Variants in NT5DC3 observed in about 807,000 individuals in gnomAD.
The protein encoded by NT5DC3 is 5'-nucleotidase domain-containing protein 3.
Under a neutral mutation model 67.8 loss-of-function variants are expected in NT5DC3, and 42 were observed. The observed-to-expected ratio is 0.62, with a 90% confidence interval of 0.48 to 0.80. The LOEUF is 0.80. Among genes scored for constraint, NT5DC3 ranks in the 30% least tolerant of loss-of-function variants. NT5DC3 has a pLI of 0.00. For missense variants in NT5DC3, 570 were observed against 696.4 expected (o/e 0.82, Z 2.04); for synonymous variants, 237 against 255.6 (o/e 0.93, Z 0.69).
the NT5DC3 span, among the ~76,000 whole-genome samples, chr12:103,748,493 G>A: frequency 1.3e-5 from 2 of 152,034 alleles, no homozygotes; most frequent in South Asian, 4.1e-4. Flanking sequence ...GCTTTGTCAG[G>A]TCAGTTAAGC....
Position 103,788,835 on chromosome 12 carries a change from T to C in NT5DC3, c.1101+3A>G. The C allele has an allele frequency of 6.3e-7, 1 of 1,590,040 alleles. No homozygotes were observed. Among genetic ancestry groups the C allele is most frequent in the Non-Finnish European group, 8.6e-7 (1 of 1,158,032 alleles). On this transcript the variant is annotated splice_donor_region_variant and intron_variant, in intron 10 of 13. Transcript: ENST00000392876. ...CAAAAAGGATCAGCTGGTCATGAGA[T>C]ACCTGCTTGTATATCTGGCCTTTCT...
chr12:103,813,553 T>G (rs884394), intron 2 of NT5DC3, among the ~76,000 whole-genome samples: 10,223 of 152,288 alleles, frequency 0.067, 832 homozygotes, highest in African/African-American at 0.19. Flanking sequence ...ATGCTGAATC[T>G]AATGGTTAGG....
At chr12:103,751,106 G>T in the NT5DC3 span, among the ~76,000 whole-genome samples, 1 of 152,188 alleles carries the variant, frequency 6.6e-6, no homozygotes, top group Non-Finnish European at 1.5e-5. Context: ...CAAGGCAGAG[G>T]GACTTCAGTG....
intron 9 of NT5DC3, among the ~76,000 whole-genome samples, chr12:103,791,299 AG>A (rs1421830774): frequency 6.6e-6 from 1 of 152,098 alleles, no homozygotes; most frequent in Non-Finnish European, 1.5e-5. Flanking sequence ...AAAGAGAGAC[AG>A]GGCCCTTCTC....
At chr12:103,827,305 T>A (rs1323844516) in intron 1 of NT5DC3, among the ~76,000 whole-genome samples, 4 of 152,182 alleles carry the variant, frequency 2.6e-5, no homozygotes. Flanking sequence ...TAAATACATA[T>A]CTTAAAATTC....
At chr12:103,830,691 C>T (rs938961411) in intron 1 of NT5DC3, among the ~76,000 whole-genome samples, 2 of 152,084 alleles carry the variant, frequency 1.3e-5, no homozygotes, top group South Asian at 2.1e-4. Context: ...AAGATTGAAA[C>T]TTTAATTTCT....
Position 103,788,859 on chromosome 12 carries a change from CTGCA to C in NT5DC3, c.1076_1079del (p.Leu359Ter), listed in dbSNP as rs757990380. On this transcript the variant is annotated frameshift_variant, in exon 10 of 14. Coordinates refer to ENST00000392876, the MANE Select transcript of NT5DC3 (RefSeq NM_001031701.3). LOFTEE classifies it high-confidence loss of function. ...ATACCTGCTTGTATATCTGGCCTTTCTGCAACTTATGGATTTTATCCCAGAGTAA... is the reference window on the plus strand; with the variant it reads ...ATACCTGCTTGTATATCTGGCCTTTCACTTATGGATTTTATCCCAGAGTAA... The C allele has an allele frequency of 1.2e-6, 2 of 1,613,172 alleles. No homozygotes were observed. Among genetic ancestry groups the C allele is most frequent in the Non-Finnish European group, 1.7e-6 (2 of 1,179,144 alleles).
intron 2 of NT5DC3, among the ~76,000 whole-genome samples, chr12:103,813,268 C>T (rs1416046447): frequency 6.6e-6 from 1 of 152,212 alleles, no homozygotes; most frequent in Non-Finnish European, 1.5e-5. Flanking sequence ...AGAACCACCT[C>T]GTTCTTAGTT....
the NT5DC3 span, chr12:103,762,386 G>C: frequency 8.1e-6 from 13 of 1,614,110 alleles, no homozygotes; most frequent in Non-Finnish European, 1.1e-5. Flanking sequence ...AGAACAATCG[G>C]CTTCCAGCAT....
At chr12:103,796,820 G>T in intron 6 of NT5DC3, 74 bp downstream of exon 6, 1 of 1,529,538 alleles carries the variant, frequency 6.5e-7, no homozygotes, top group Non-Finnish European at 9.0e-7. Flanking sequence ...TAGAAAGGAG[G>T]TTCAAGACTC....
chr12:103,790,298 G>A (rs1304692078), intron 9 of NT5DC3, among the ~76,000 whole-genome samples: 1 of 151,696 alleles, frequency 6.6e-6, no homozygotes, highest in Non-Finnish European at 1.5e-5. Flanking sequence ...TTTTTTGAGA[G>A]AGAGTCCCAC....
the NT5DC3 span, chr12:103,746,343 C>A: frequency 3.0e-6 from 1 of 336,162 alleles, no homozygotes; most frequent in South Asian, 4.2e-5. Context: ...TAATTGATAG[C>A]CCCTAAAGAA....
At chr12:103,765,605 G>A (rs1431872408), downstream of NT5DC3, among the ~76,000 whole-genome samples, 1 of 152,112 alleles carries the variant, frequency 6.6e-6, no homozygotes, top group Non-Finnish European at 1.5e-5. Context: ...GGTGTGTCAC[G>A]CAGGCTGGAG....
chr12:103,800,454 A>C (rs1240219456), intron 4 of NT5DC3, among the ~76,000 whole-genome samples: 1 of 152,250 alleles, frequency 6.6e-6, no homozygotes, highest in Non-Finnish European at 1.5e-5. Context: ...CTGGAGAGAA[A>C]ATATAAAAAG....
At chr12:103,786,721 C>T (rs967799657) in intron 11 of NT5DC3, among the ~76,000 whole-genome samples, 4 of 137,468 alleles carry the variant, frequency 2.9e-5, no homozygotes, top group Non-Finnish European at 4.6e-5. Flanking sequence ...CTCACTCTGT[C>T]GCCTAGGCTA....
intron 1 of NT5DC3, among the ~76,000 whole-genome samples, chr12:103,833,804 C>A (rs1443298696): frequency 6.6e-6 from 1 of 151,816 alleles, no homozygotes; most frequent in Non-Finnish European, 1.5e-5. Flanking sequence ...CCATTCTGTA[C>A]CTAACAGGAC....
At chr12:103,836,651 T>C (rs983846281) in intron 1 of NT5DC3, among the ~76,000 whole-genome samples, 4 of 151,510 alleles carry the variant, frequency 2.6e-5, no homozygotes, top group Non-Finnish European at 4.4e-5. Flanking sequence ...AGTCCCTCAA[T>C]TGGAATGTTT....
chr12:103,807,621 ATTACGG>A (rs1235273672), intron 2 of NT5DC3, among the ~76,000 whole-genome samples: 1 of 152,226 alleles, frequency 6.6e-6, no homozygotes. Context: ...TGGCACATGG[ATTACGG>A]TTACTATCCA....
At chr12:103,805,592 T>C (rs553561240) in intron 4 of NT5DC3, among the ~76,000 whole-genome samples, 6 of 152,180 alleles carry the variant, frequency 3.9e-5, no homozygotes, top group Middle Eastern at 3.4e-3. Flanking sequence ...ATGCCTGTAA[T>C]CCCAGCACTT....
Sources: allele counts gnomAD v4.1 joint callset (sites outside exome capture counted in the v4.1 genomes callset), GRCh38; gene constraint gnomAD v4.1.1; transcripts MANE v1.5; gene names NCBI Gene and HGNC (gene_info 2026-07-23, HGNC 2026-07-21).